The following KCNAB1 variants were observed in gnomAD, a reference collection of about 807,000 sequenced individuals.
The protein encoded by KCNAB1 is potassium voltage-gated channel subfamily A regulatory beta subunit 1.
A neutral mutation model predicts 64.6 loss-of-function variants in KCNAB1; 35 were observed. The observed-to-expected ratio is 0.54, with a 90% CI of 0.41 to 0.72. KCNAB1 has a LOEUF of 0.72. Among genes scored for constraint, KCNAB1 ranks in the 30% least tolerant of loss-of-function variants. KCNAB1 has a pLI of 0.00. For missense variants in KCNAB1, 401 were observed against 512.9 expected, an observed-to-expected ratio of 0.78 and a Z score of 2.11; for synonymous variants, 177 against 183.8, an observed-to-expected ratio of 0.96 and a Z score of 0.30.
intron 1 of KCNAB1, among the ~76,000 whole-genome samples, chr3:156,229,048 T>C (rs1335663023): frequency 6.6e-6 from 1 of 152,164 alleles, no homozygotes; most frequent in Non-Finnish European, 1.5e-5. Context: ...GGGGAGCCTC[T>C]GAGGGGTCTC....
intron 1 of KCNAB1, among the ~76,000 whole-genome samples, chr3:156,140,014 T>C (rs1714614004): frequency 6.6e-6 from 1 of 152,224 alleles, no homozygotes; most frequent in African/African-American, 2.4e-5. Flanking sequence ...GTATTCCTGT[T>C]TCAATTTCCT....
chr3:156,360,480 T>G (rs1032802432), intron 1 of KCNAB1, among the ~76,000 whole-genome samples: 3 of 152,014 alleles, frequency 2.0e-5, no homozygotes, highest in African/African-American at 7.2e-5. Context: ...AAGGCTGAGG[T>G]GGGAGGATCG....
intron 1 of KCNAB1, among the ~76,000 whole-genome samples, chr3:156,414,625 A>C (rs747195406): frequency 6.6e-6 from 1 of 152,236 alleles, no homozygotes; most frequent in Non-Finnish European, 1.5e-5. Flanking sequence ...CTTTCAGTTA[A>C]AAGGTGGTGA....
intron 1 of KCNAB1, among the ~76,000 whole-genome samples, chr3:156,301,837 G>C (rs553973890): frequency 1.3e-5 from 2 of 152,238 alleles, no homozygotes. Flanking sequence ...ACCTTCCGTG[G>C]GTTCTGTTTC....
chr3:156,422,975 T>C (rs1485446224), intron 2 of KCNAB1, among the ~76,000 whole-genome samples: 2 of 152,182 alleles, frequency 1.3e-5, no homozygotes, highest in East Asian at 3.9e-4. Flanking sequence ...GTGGTGCTCA[T>C]GCATCAAGCA....
At chr3:156,309,183 T>A (rs1056481737) in intron 1 of KCNAB1, among the ~76,000 whole-genome samples, 11 of 152,252 alleles carry the variant, frequency 7.2e-5, no homozygotes, top group Non-Finnish European at 1.0e-4. Flanking sequence ...ATCAGTTTTT[T>A]AAAAATAAAA....
intron 2 of KCNAB1, among the ~76,000 whole-genome samples, chr3:156,448,047 T>G (rs747660875): frequency 6.6e-6 from 1 of 152,198 alleles, no homozygotes; most frequent in African/African-American, 2.4e-5. Flanking sequence ...CTTTTTACCT[T>G]TCATCCATCA....
intron 1 of KCNAB1, among the ~76,000 whole-genome samples, chr3:156,276,685 C>A (rs1053563501): frequency 1.3e-5 from 2 of 152,154 alleles, no homozygotes; most frequent in African/African-American, 4.8e-5. Context: ...CATGCATCAA[C>A]CTCTGCTAGC....
intron 1 of KCNAB1, among the ~76,000 whole-genome samples, chr3:156,232,844 T>C (rs1716614568): frequency 2.6e-5 from 4 of 152,232 alleles, no homozygotes; most frequent in Admixed American, 2.6e-4. Flanking sequence ...AAAATTGGAA[T>C]ATAAAAGTAT....
intron 11 of KCNAB1, among the ~76,000 whole-genome samples, chr3:156,521,816 A>T (rs1717955224): frequency 6.6e-6 from 1 of 152,100 alleles, no homozygotes; most frequent in African/African-American, 2.4e-5. Context: ...TTCCTTTGGT[A>T]TGAGGAAAGC....
chr3:156,237,252 T>G (rs746544903), intron 1 of KCNAB1, among the ~76,000 whole-genome samples: 53 of 152,248 alleles, frequency 3.5e-4, no homozygotes, highest in Non-Finnish European at 5.1e-4. Context: ...TCTCAGATTT[T>G]GAATTTTAAA....
At chr3:156,328,458 T>A (rs779578173) in intron 1 of KCNAB1, among the ~76,000 whole-genome samples, 34 of 152,146 alleles carry the variant, frequency 2.2e-4, no homozygotes, top group Admixed American at 3.9e-4. Context: ...TGTTGTCTCA[T>A]CTTTTGCACG....
At chr3:156,296,219 G>A (rs1296791306) in intron 1 of KCNAB1, among the ~76,000 whole-genome samples, 1 of 152,122 alleles carries the variant, frequency 6.6e-6, no homozygotes, top group Non-Finnish European at 1.5e-5. Context: ...AGAAGTTAAG[G>A]CACATTGGGT....
chr3:156,425,141 G>A (rs189877572), intron 2 of KCNAB1, among the ~76,000 whole-genome samples: 1 of 152,308 alleles, frequency 6.6e-6, no homozygotes, highest in East Asian at 1.9e-4. Context: ...TGCAGGCTTA[G>A]GATGTCAGCT....
At chr3:156,240,430 A>G (rs1025460710) in intron 1 of KCNAB1, among the ~76,000 whole-genome samples, 1 of 152,182 alleles carries the variant, frequency 6.6e-6, no homozygotes, top group African/African-American at 2.4e-5. Context: ...GAGTTTATAT[A>G]TGAAAATACA....
chr3:156,142,884 C>T (rs976966894), intron 1 of KCNAB1: 1 of 641,076 alleles, frequency 1.6e-6, no homozygotes, highest in Non-Finnish European at 2.0e-6. Flanking sequence ...TCCCCAGGGC[C>T]AGTACATAGT....
chr3:156,339,305 C>T (rs773477989), intron 1 of KCNAB1, among the ~76,000 whole-genome samples: 4 of 152,132 alleles, frequency 2.6e-5, no homozygotes, highest in Non-Finnish European at 5.9e-5. Flanking sequence ...ATAAAGTTTG[C>T]AGCAGTAAGG....
intron 1 of KCNAB1, among the ~76,000 whole-genome samples, chr3:156,275,343 T>C (rs969111427): frequency 2.4e-4 from 37 of 152,186 alleles, no homozygotes; most frequent in African/African-American, 8.7e-4. Context: ...CAGTGAGTAA[T>C]CTTTTTGTTA....
intron 1 of KCNAB1, among the ~76,000 whole-genome samples, chr3:156,398,315 A>G (rs1329909403): frequency 6.6e-6 from 1 of 152,178 alleles, no homozygotes; most frequent in Non-Finnish European, 1.5e-5. Context: ...ATAGGGGGCC[A>G]GGCGCGGTGG....
Sources: allele counts gnomAD v4.1 joint callset (sites outside exome capture counted in the v4.1 genomes callset), GRCh38; gene constraint gnomAD v4.1.1; transcripts MANE v1.5; gene names NCBI Gene and HGNC (gene_info 2026-07-23, HGNC 2026-07-21).